DMD: variants seen among roughly 807,000 people sequenced by gnomAD.
DMD encodes dystrophin.
In DMD, 63 loss-of-function variants were observed where a neutral mutation model predicts 330.1. The ratio of observed to expected loss-of-function variants is 0.19; its 90% CI spans 0.16 to 0.24. The LOEUF is 0.24. Among genes scored for constraint, DMD ranks in the 10% least tolerant of loss-of-function variants. The pLI, the probability that DMD is intolerant of heterozygous loss-of-function variation, is 1.00. For missense variants in DMD, 3,344 were observed against 2,684.1 expected (o/e 1.25, Z -5.43); for synonymous variants, 1,223 against 959.8 (o/e 1.27, Z -5.07).
chrX:32,659,308 C>T (rs1316840900), intron 9 of DMD, among the ~76,000 whole-genome samples: 4 of 111,519 alleles, frequency 3.6e-5, no homozygotes, highest in Non-Finnish European at 5.7e-5. Context: ...TGTTACATAC[C>T]TTTGTCTCTT....
intron 2 of DMD, among the ~76,000 whole-genome samples, chrX:32,934,033 A>G (rs1895371186): frequency 8.9e-6 from 1 of 111,840 alleles, no homozygotes; most frequent in East Asian, 2.8e-4. Context: ...TTAAGTAACA[A>G]AATCCACTTC....
At chrX:32,000,189 T>G (rs2150355781) in intron 44 of DMD, among the ~76,000 whole-genome samples, 1 of 112,099 alleles carries the variant, frequency 8.9e-6, no homozygotes, top group South Asian at 3.7e-4. Flanking sequence ...TAACAATGGC[T>G]TTAGATGCAT....
chrX:32,889,722 G>C (rs188892309), intron 2 of DMD, among the ~76,000 whole-genome samples: 4 of 110,364 alleles, frequency 3.6e-5, no homozygotes, highest in Non-Finnish European at 7.6e-5. Context: ...GCAAAACATC[G>C]CTCCTAACTC....
chrX:32,824,458 T>C (rs908105201), intron 4 of DMD, among the ~76,000 whole-genome samples: 6 of 111,965 alleles, frequency 5.4e-5, no homozygotes, highest in African/African-American at 1.9e-4. Context: ...ATTGGATGAA[T>C]TTCATGGGCA....
intron 7 of DMD, among the ~76,000 whole-genome samples, chrX:32,794,601 C>CA (rs2076053417): frequency 1.8e-5 from 2 of 110,202 alleles, no homozygotes; most frequent in African/African-American, 6.6e-5. Context: ...AAACAAAAAA[C>CA]CAAAAACAAA....
At chrX:31,184,416 A>G (rs1434405283) in intron 67 of DMD, among the ~76,000 whole-genome samples, 1 of 105,466 alleles carries the variant, frequency 9.5e-6, no homozygotes, top group Non-Finnish European at 1.9e-5. Context: ...ACAATGAGAT[A>G]CCATCTCACA....
intron 61 of DMD, among the ~76,000 whole-genome samples, chrX:31,327,496 A>G (rs1302679972): frequency 1.8e-5 from 2 of 112,142 alleles, no homozygotes; most frequent in Non-Finnish European, 3.8e-5. Flanking sequence ...ATAGGGGCCT[A>G]ACCAGAAAAT....
chrX:33,031,302 C>CA (rs34526249), intron 1 of DMD, among the ~76,000 whole-genome samples: 7,019 of 63,021 alleles, frequency 0.11, 404 homozygotes, highest in East Asian at 0.45. Context: ...TTAAAAAGGA[C>CA]AAAAAAAAAA....
At chrX:31,754,921 A>G (rs1675813356) in intron 51 of DMD, among the ~76,000 whole-genome samples, 1 of 112,005 alleles carries the variant, frequency 8.9e-6, no homozygotes, top group Non-Finnish European at 1.9e-5. Context: ...TAGACCGCTA[A>G]AAATAATCAA....
At chrX:32,334,859 T>G (rs1248755355) in intron 41 of DMD, among the ~76,000 whole-genome samples, 1 of 111,697 alleles carries the variant, frequency 9.0e-6, no homozygotes, top group African/African-American at 3.2e-5. Context: ...AAGGAAAGTT[T>G]GCTTAATCTA....
chrX:31,558,948 A>C (rs1266503754), intron 55 of DMD, among the ~76,000 whole-genome samples: 1 of 111,597 alleles, frequency 9.0e-6, no homozygotes, highest in African/African-American at 3.3e-5. Flanking sequence ...GTTCGTACAA[A>C]TCTTTAAAAT....
At chrX:31,850,690 C>G (rs2093508221) in intron 48 of DMD, among the ~76,000 whole-genome samples, 1 of 112,480 alleles carries the variant, frequency 8.9e-6, no homozygotes, top group Non-Finnish European at 1.9e-5. Context: ...AATGAAAAGA[C>G]CTTAACTTGA....
intron 3 of DMD, among the ~76,000 whole-genome samples, chrX:32,847,390 C>G (rs1048964190): frequency 8.9e-6 from 1 of 111,869 alleles, no homozygotes; most frequent in Non-Finnish European, 1.9e-5. Context: ...AAGGCAAGTA[C>G]CTTCCTTTTA....
intron 9 of DMD, among the ~76,000 whole-genome samples, chrX:32,665,752 T>C (rs144604272): frequency 0.01 from 1,168 of 112,181 alleles, 16 homozygotes; most frequent in African/African-American, 0.036. Flanking sequence ...TACACACTAC[T>C]AAGACCTTGT....
intron 2 of DMD, among the ~76,000 whole-genome samples, chrX:32,944,999 G>T: frequency 9.0e-6 from 1 of 110,783 alleles, no homozygotes; most frequent in East Asian, 2.8e-4. Flanking sequence ...CATCTATATT[G>T]CTGCCAGATA....
At chrX:32,981,257 T>C (rs1394468691) in intron 2 of DMD, among the ~76,000 whole-genome samples, 1 of 112,119 alleles carries the variant, frequency 8.9e-6, no homozygotes, top group South Asian at 3.7e-4. Flanking sequence ...CACAAGCCGC[T>C]ATTTCTGTCA....
chrX:32,879,022 AAAC>A (rs1449784076), intron 2 of DMD, among the ~76,000 whole-genome samples: 1 of 101,440 alleles, frequency 9.9e-6, no homozygotes, highest in African/African-American at 3.7e-5. Flanking sequence ...AAAAAACAAA[AAAC>A]AAAAAACAAA....
intron 60 of DMD, among the ~76,000 whole-genome samples, chrX:31,422,041 ATATTTT>A (rs1569540554): frequency 2.7e-3 from 29 of 10,907 alleles, no homozygotes; most frequent in African/African-American, 4.1e-3. Flanking sequence ...ATATATATAT[ATATTTT>A]TTTTTTTCTT....
intron 60 of DMD, among the ~76,000 whole-genome samples, chrX:31,349,849 T>C (rs952789822): frequency 9.0e-6 from 1 of 111,718 alleles, no homozygotes; most frequent in African/African-American, 3.3e-5. Flanking sequence ...CAGGGGGTAG[T>C]TCCCGTGGTG....
Sources: gnomAD v4.1 joint callset for allele counts (sites outside exome capture counted in the v4.1 genomes callset) on GRCh38, gnomAD v4.1.1 for gene constraint, MANE v1.5 for transcripts, NCBI Gene and HGNC (gene_info 2026-07-23, HGNC 2026-07-21) for gene names.